The following TNRC18 variants were observed in gnomAD, a reference collection of about 807,000 sequenced individuals.
The protein encoded by TNRC18 is trinucleotide repeat-containing gene 18 protein.
A neutral mutation model predicts 226.7 loss-of-function variants in TNRC18; 69 were observed. The observed-to-expected ratio is 0.30, with a 90% confidence interval of 0.25 to 0.37. TNRC18 has a LOEUF of 0.37. Among genes scored for constraint, TNRC18 ranks in the 10% least tolerant of loss-of-function variants. The pLI, the probability that TNRC18 is intolerant of heterozygous loss-of-function variation, is 1.00. For missense variants in TNRC18, 4,754 were observed against 4,256.6 expected, an observed-to-expected ratio of 1.12 and a Z score of -3.25; for synonymous variants, 2,449 against 1,927.6, an observed-to-expected ratio of 1.27 and a Z score of -7.09.
intron 18 of TNRC18, among the ~76,000 whole-genome samples, chr7:5,340,634 T>C (rs1432347002): frequency 2.0e-5 from 3 of 147,160 alleles, no homozygotes; most frequent in South Asian, 2.2e-4. Context: ...TCCCAGCTAC[T>C]TGGGAGGCTG....
intron 21 of TNRC18, among the ~76,000 whole-genome samples, chr7:5,323,699 C>T (rs1186906627): frequency 1.3e-5 from 2 of 151,888 alleles, no homozygotes; most frequent in East Asian, 3.9e-4. Context: ...TCCCGGGTAG[C>T]TGGGATTACA....
chr7:5,406,625 C>T (rs1410987440), intron 2 of TNRC18, among the ~76,000 whole-genome samples: 4 of 152,000 alleles, frequency 2.6e-5, no homozygotes, highest in African/African-American at 9.7e-5. Context: ...CAGAAGCGGG[C>T]GGATCACCTG....
rs547536352 is a variant in TNRC18 at position 5,420,178 on chromosome 7, C to T, written c.187+882G>A. ...CTCCCGCCCCGGCGCAGCGCCCGCC[C>T]GGGTACCGTCCCCACCGCGCCTGGG... On this transcript the variant is annotated intron_variant, in intron 2 of 29. Coordinates refer to ENST00000430969, the MANE Select transcript of TNRC18 (RefSeq NM_001080495.3). 3.3e-4 allele frequency: 112 copies of T among 340,756 alleles called. 1 individual carries two copies. Among genetic ancestry groups the T allele is most frequent in the South Asian group, 2.3e-3 (108 of 47,516 alleles). The allele number at this position is 340,756 out of a possible 1,614,324, so 21.1% of individuals were successfully genotyped here. A position where few individuals can be genotyped will look rare whatever the true frequency, so the allele number is the denominator to read the frequency against.
chr7:5,378,563 T>C (rs1313555871), intron 5 of TNRC18, among the ~76,000 whole-genome samples: 2 of 151,556 alleles, frequency 1.3e-5, no homozygotes, highest in Non-Finnish European at 2.9e-5. Flanking sequence ...GGACTACAGG[T>C]GCCCACCACC....
intron 21 of TNRC18, among the ~76,000 whole-genome samples, chr7:5,323,816 A>G (rs1209678533): frequency 6.6e-6 from 1 of 151,792 alleles, no homozygotes; most frequent in African/African-American, 2.4e-5. Context: ...GATCTGCCCA[A>G]CTCGGTCTCC....
intron 16 of TNRC18, 111 bp downstream of exon 16, chr7:5,356,805 C>A (rs898127964): frequency 3.8e-5 from 52 of 1,373,576 alleles, no homozygotes; most frequent in Non-Finnish European, 4.7e-5. Context: ...AGAGAGAGAG[C>A]GAGAGCGAGA....
At chr7:5,330,438 GTCT>G (rs1789407369) in intron 19 of TNRC18, among the ~76,000 whole-genome samples, 4 of 151,368 alleles carry the variant, frequency 2.6e-5, no homozygotes. Context: ...TAGAGGCAGG[GTCT>G]TGCTGTGTTG....
At chr7:5,367,519 C>T (rs147934480) in intron 11 of TNRC18, among the ~76,000 whole-genome samples, 71,247 of 150,084 alleles carry the variant, frequency 0.47, 17,093 homozygotes, top group African/African-American at 0.55. Context: ...CCTCCGCCTC[C>T]CAGGTTCAAG....
In TNRC18 at chr7:5,308,099, G is replaced by C. The variant is rs149959974; in HGVS notation, c.*7C>G. 35 of 1,546,578 alleles carry C rather than the reference G, an allele frequency of 2.3e-5. No individual in the cohort carries two copies. The highest frequency in any genetic ancestry group is 3.1e-5 in the Non-Finnish European group (35 of 1,144,882). ...GGGGCACAGGTGGCCCGCAGGGCCCGGCGGGCTCAGCAGAGCACGGGCACG... is the reference window on the plus strand; with the variant it reads ...GGGGCACAGGTGGCCCGCAGGGCCCCGCGGGCTCAGCAGAGCACGGGCACG... On this transcript the variant is annotated 3_prime_UTR_variant, in exon 30 of 30. Coordinates refer to ENST00000430969, the MANE Select transcript of TNRC18 (RefSeq NM_001080495.3).
chr7:5,334,183 C>T (rs1008714043), intron 18 of TNRC18, among the ~76,000 whole-genome samples: 3 of 152,218 alleles, frequency 2.0e-5, no homozygotes, highest in African/African-American at 7.2e-5. Flanking sequence ...GGGGGGCAGC[C>T]GTGAGAGGCT....
chr7:5,378,951 G>T (rs956612634), intron 5 of TNRC18, among the ~76,000 whole-genome samples: 2 of 151,350 alleles, frequency 1.3e-5, no homozygotes, highest in African/African-American at 4.9e-5. Flanking sequence ...TTGGGAGGCC[G>T]GGTGGGGGGG....
rs66514806 is a variant in TNRC18, at chr7:5,325,724, ATTTT to A, written c.6148-480_6148-477del. The A allele has an allele frequency of 1.5e-3, 96 of 62,842 alleles. 1 individual carries two copies. Among genetic ancestry groups the A allele is most frequent in the Middle Eastern group, 0.011 (1 of 90 alleles). 3.9% of individuals were successfully genotyped at this position (62,842 alleles called of 1,614,324 possible). ...CAGGCATGAGCAAACGCGCCCTGCA[ATTTT>A]TTTTTTTTTTTTTTTTTTTTTTTTT... On this transcript the variant is annotated intron_variant, in intron 19 of 29. Transcript: ENST00000430969.
Position 5,359,501 on chromosome 7 carries a change from T to A in TNRC18, c.4730A>T (p.Lys1577Met), listed in dbSNP as rs1180581749. Residue 1577 changes from lysine (K) to methionine (M), a missense_variant, in exon 15 of 30, where the codon AAG (lysine) becomes ATG (methionine). Transcript: ENST00000430969. ...GGCATCATGTTCCTCCTCAGACCCC[T>A]TGTGTCTCTTTCTTATCCCTGCTCC... ...ELGAGIRKRH[K>M]GSEEEHDALI... is the part of the protein sequence containing the mutation. 1 of 1,613,898 alleles carries A rather than the reference T, an allele frequency of 6.2e-7. No homozygotes were observed. The highest frequency in any genetic ancestry group is 1.3e-5 in the African/African-American group (1 of 74,932).
intron 16 of TNRC18, among the ~76,000 whole-genome samples, chr7:5,353,324 G>A (rs1792025640): frequency 6.6e-6 from 1 of 152,102 alleles, no homozygotes; most frequent in East Asian, 1.9e-4. Context: ...CTCACGTGAG[G>A]CCAGGAGTTC....
At chr7:5,330,586 G>C (rs1165444498) in intron 19 of TNRC18, among the ~76,000 whole-genome samples, 1 of 152,018 alleles carries the variant, frequency 6.6e-6, no homozygotes, top group Non-Finnish European at 1.5e-5. Context: ...GTTCATAGGA[G>C]AAACCCACTT....
intron 24 of TNRC18, among the ~76,000 whole-genome samples, chr7:5,316,708 A>C (rs895109959): frequency 2.0e-5 from 3 of 152,222 alleles, no homozygotes; most frequent in African/African-American, 7.2e-5. Context: ...CCTGAAGGAC[A>C]CAAAGAATGG....
chr7:5,312,671 C>A lies in TNRC18; in HGVS notation c.8220G>T (p.Lys2740Asn), dbSNP rs1185018204. ...PPQPTQPLQPKAQAGAKSRPK... is the reference protein window; with the variant it reads ...PPQPTQPLQPNAQAGAKSRPK... ...GTCGGCTCTTGGCCCCGGCCTGAGC[C>A]TTGGGCTGCAGAGGCTGTGTGGGCT... The change falls in exon 27 of 30, where the codon AAG becomes AAT. Residue 2740 changes from lysine to asparagine, a missense_variant. Lys to Asn is a moderately conservative substitution (Grantham distance 94). Transcript: ENST00000430969. This position sits in a 1 kb window ranked among gnomAD's most constrained non-coding sequence, Gnocchi z 6.3. 6.2e-7 allele frequency: 1 copy of A among 1,605,576 alleles called. No homozygotes were observed. Among genetic ancestry groups the A allele is most frequent in the Non-Finnish European group, 8.5e-7 (1 of 1,176,980 alleles).
rs1197732696 is a variant in TNRC18 at position 5,312,974 on chromosome 7, G to T, written c.7917C>A (p.Ser2639=). The T allele has an allele frequency of 4.5e-6, 5 of 1,100,114 alleles. No individual in the cohort carries two copies. The highest frequency in any genetic ancestry group is 6.5e-6 in the Non-Finnish European group (5 of 763,454). The allele number at this position is 1,100,114 out of a possible 1,614,324, so 68.1% of individuals were successfully genotyped here. The change falls in exon 27 of 30, where the codon TCC becomes TCA. Residue 2639 remains serine (S), a synonymous_variant. Coordinates refer to ENST00000430969, the MANE Select transcript of TNRC18 (RefSeq NM_001080495.3). This position sits in a 1 kb window ranked among gnomAD's most constrained non-coding sequence, Gnocchi z 6.3. ...SSSSSSSSSS[S]SSSSSSSSSS... ...AGGAAGACGAAGAGGAAGAGGAGGA[G>T]GAGGAAGAGGAGGAGGAGGAAGAGG... is the stretch of plus-strand genomic sequence containing the variant.
chr7:5,394,704 T>C lies in TNRC18; in HGVS notation c.188-109A>G, dbSNP rs1377663097. ...CGAGACCGCCGCCTCTCCCCAGCTG[T>C]GTGGAGCTGATGCTGGCCAGGAGAC... On this transcript the variant is annotated intron_variant, in intron 2 of 29. Coordinates refer to ENST00000430969, the MANE Select transcript of TNRC18 (RefSeq NM_001080495.3). The surrounding 1 kb of genome is among the most constrained non-coding windows in gnomAD (Gnocchi z 4.5). 4 of 807,618 alleles carry C rather than the reference T, an allele frequency of 5.0e-6. No homozygotes were observed. The highest frequency in any genetic ancestry group is 1.8e-5 in the African/African-American group (1 of 54,290). 50.0% of individuals were successfully genotyped at this position (807,618 alleles called of 1,614,324 possible).
Sources: gnomAD v4.1 joint callset for allele counts (sites outside exome capture counted in the v4.1 genomes callset) on GRCh38, gnomAD v4.1.1 for gene constraint, Gnocchi (gnomAD v3.1) non-coding constraint, MANE v1.5 for transcripts, NCBI Gene and HGNC (gene_info 2026-07-23, HGNC 2026-07-21) for gene names.